Variants in DNAH11 observed in about 807,000 individuals in gnomAD.
The protein encoded by DNAH11 is axonemal beta dynein heavy chain 11.
In DNAH11, 442 loss-of-function variants were observed where a neutral mutation model predicts 526.0. The ratio of observed to expected loss-of-function variants is 0.84; its 90% CI spans 0.78 to 0.91. The LOEUF (loss-of-function observed/expected upper bound fraction) is 0.91, where lower values mean the gene tolerates loss of function less well. Among genes scored for constraint, DNAH11 ranks in the 40% least tolerant of loss-of-function variants. The pLI is 0.00. For synonymous variants in DNAH11, 2,461 were observed against 1,935.9 expected (o/e 1.27, Z -7.12); for missense variants, 6,989 against 5,448.7 (o/e 1.28, Z -8.90).
chr7:21,725,011 G>C (rs554742534), intron 44 of DNAH11, among the ~76,000 whole-genome samples: 36 of 30,116 alleles, frequency 1.2e-3, no homozygotes, highest in Middle Eastern at 0.016. Context: ...GGATATAGAA[G>C]GGTTTTTCTA....
Position 21,551,907 on chromosome 7 carries a change from G to C in DNAH11, c.495+6758G>C, listed in dbSNP as rs547260857. Among the ~76,000 whole-genome samples the C allele has an allele frequency of 4.6e-5, 7 of 152,248 alleles. No homozygotes were observed. In the South Asian group the frequency reaches 1.5e-3, roughly 32 times the overall value. On this transcript the variant is annotated intron_variant, in intron 2 of 81. Coordinates refer to ENST00000409508, the MANE Select transcript of DNAH11 (RefSeq NM_001277115.2). ...TATGGCTTCATATTTTAGAGTCTGA[G>C]AATCTGTTAACTATCTCCTGGCTTT...
chr7:21,697,284 C>A (rs1441766427), intron 35 of DNAH11, among the ~76,000 whole-genome samples: 1 of 151,578 alleles, frequency 6.6e-6, no homozygotes, highest in African/African-American at 2.4e-5. Context: ...TTTGGAAGTC[C>A]CTCTCCAAAA....
chr7:21,742,498 G>A (rs771102865), intron 49 of DNAH11, among the ~76,000 whole-genome samples: 6 of 152,132 alleles, frequency 3.9e-5, no homozygotes, highest in South Asian at 4.1e-4. Context: ...AACTGAGTGA[G>A]AATTCACTTA....
At chr7:21,701,964 C>T (rs941897933) in intron 36 of DNAH11, among the ~76,000 whole-genome samples, 8 of 152,010 alleles carry the variant, frequency 5.3e-5, no homozygotes, top group East Asian at 1.9e-4. Flanking sequence ...GCAGTTAGTT[C>T]GTTAGGAATA....
rs114900904 is a variant in DNAH11 at position 21,833,188 on chromosome 7, G to A, written c.10692-9356G>A. On this transcript the variant is annotated intron_variant, in intron 65 of 81. Coordinates refer to ENST00000409508, the MANE Select transcript of DNAH11 (RefSeq NM_001277115.2). ...TTGTTTAATTTTTAATTATAGGAAT[G>A]TATAAATTCTCTTTTCATCAGGGAA... Among the ~76,000 whole-genome samples the A allele has an allele frequency of 5.8e-3, 885 of 152,292 alleles. 9 individuals carry two copies. The highest frequency in any genetic ancestry group is 0.02 in the African/African-American group (828 of 41,558).
At chr7:21,688,130 C>G (rs538310154) in intron 34 of DNAH11, among the ~76,000 whole-genome samples, 2 of 152,242 alleles carry the variant, frequency 1.3e-5, no homozygotes, top group South Asian at 2.1e-4. Flanking sequence ...CTTTCTTGAC[C>G]TCTGGCAGCA....
chr7:21,593,563 A>T (rs1047407405), intron 14 of DNAH11, among the ~76,000 whole-genome samples: 3 of 134,062 alleles, frequency 2.2e-5, no homozygotes, highest in Admixed American at 2.2e-4. Flanking sequence ...GAAGAAAGCC[A>T]TTGAGGGAAA....
chr7:21,570,437 A>G (rs1176228207), intron 7 of DNAH11, 138 bp downstream of exon 7: 8 of 684,212 alleles, frequency 1.2e-5, no homozygotes, highest in Non-Finnish European at 1.7e-5. Flanking sequence ...TAAGGAGCTC[A>G]GCAGGCCAAT....
At chr7:21,613,395 CAT>C (rs1785618875) in intron 20 of DNAH11, among the ~76,000 whole-genome samples, 2 of 152,066 alleles carry the variant, frequency 1.3e-5, no homozygotes, top group African/African-American at 4.8e-5. Flanking sequence ...AATTATTAGT[CAT>C]ATTTCTTAGG....
At chr7:21,608,174 A>G (rs772417222) in intron 20 of DNAH11, among the ~76,000 whole-genome samples, 28 of 152,090 alleles carry the variant, frequency 1.8e-4, no homozygotes, top group Non-Finnish European at 2.6e-4. Context: ...TTGTTGAGTC[A>G]TTCAATCCTA....
At chr7:21,651,022 A>G (rs1019419267) in intron 28 of DNAH11, among the ~76,000 whole-genome samples, 2 of 152,078 alleles carry the variant, frequency 1.3e-5, no homozygotes, top group Admixed American at 6.5e-5. Context: ...TTACACATGT[A>G]AAAATCATGG....
Position 21,704,499 on chromosome 7 carries a change from T to A in DNAH11, c.6339T>A (p.Phe2113Leu), listed in dbSNP as rs1583610498. 2.5e-6 allele frequency: 4 copies of A among 1,613,894 alleles called. No individual in the cohort carries two copies. Among genetic ancestry groups the A allele is most frequent in the Non-Finnish European group, 3.4e-6 (4 of 1,179,846 alleles). ...TAGTGACTGACGACATCCCAGTGTT[T>A]CTGGGCCTGGTCGGTGACCTGTTTC... is the stretch of plus-strand genomic sequence containing the variant. Reference protein sequence around the residue: ...PKIVTDDIPVFLGLVGDLFPA... With the variant: ...PKIVTDDIPVLLGLVGDLFPA... Residue 2113 changes from phenylalanine (F) to leucine (L), a missense_variant, in exon 38 of 82, where the codon TTT (phenylalanine) becomes TTA (leucine). By Grantham distance (22) the Phe-to-Leu change is conservative. Transcript: ENST00000409508.
chr7:21,859,441 T>A (rs1782973404), intron 68 of DNAH11, among the ~76,000 whole-genome samples: 1 of 152,190 alleles, frequency 6.6e-6, no homozygotes, highest in African/African-American at 2.4e-5. Context: ...TAAACTTGGG[T>A]TCCATCCCCA....
intron 79 of DNAH11, among the ~76,000 whole-genome samples, chr7:21,897,638 G>C (rs1238603381): frequency 2.0e-5 from 3 of 151,452 alleles, no homozygotes; most frequent in Middle Eastern, 3.4e-3. Flanking sequence ...TTTTTTTTGA[G>C]AGATTCTCAT....
At chr7:21,583,507 C>G (rs989200679) in intron 9 of DNAH11, among the ~76,000 whole-genome samples, 4 of 152,136 alleles carry the variant, frequency 2.6e-5, no homozygotes, top group Admixed American at 2.6e-4. Context: ...CAATACCATT[C>G]AGGACATAGG....
At chr7:21,768,537 G>A (rs1176489275) in intron 55 of DNAH11, among the ~76,000 whole-genome samples, 1 of 152,142 alleles carries the variant, frequency 6.6e-6, no homozygotes, top group Non-Finnish European at 1.5e-5. Flanking sequence ...GTCATCTTTG[G>A]GGGCATGTTG....
chr7:21,592,885 A>T (rs1332063102), intron 14 of DNAH11, among the ~76,000 whole-genome samples: 2 of 152,102 alleles, frequency 1.3e-5, no homozygotes, highest in South Asian at 2.1e-4. Context: ...TTGTAGCAGA[A>T]AAAAAAAGGA....
At chr7:21,679,210 G>A (rs55755247) in intron 30 of DNAH11, among the ~76,000 whole-genome samples, 20,545 of 152,002 alleles carry the variant, frequency 0.14, 1,417 homozygotes, top group Non-Finnish European at 0.15. Flanking sequence ...ACATAGTAAC[G>A]GTACAATGGT....
At position 21,588,129 on chromosome 7, in the gene DNAH11, C is replaced by T. The variant is rs756075191; in HGVS notation, c.1776C>T (p.Tyr592=). The T allele has an allele frequency of 6.2e-7, 1 of 1,613,314 alleles. No individual in the cohort carries two copies. ...TCATGGAAATTTTCAGCCTACATTA[C>T]AGCACACTAGTGCATATGTTTAATA... is the stretch of plus-strand genomic sequence containing the variant. ...PVVMEIFSLH[Y]STLVHMFNTE... The change falls in exon 10 of 82, where the codon TAC becomes TAT. Residue 592 remains tyrosine (Y), a synonymous_variant. Transcript: ENST00000409508.
Sources: allele counts gnomAD v4.1 joint callset (sites outside exome capture counted in the v4.1 genomes callset), GRCh38; gene constraint gnomAD v4.1.1; transcripts MANE v1.5; gene names NCBI Gene and HGNC (gene_info 2026-07-23, HGNC 2026-07-21).